Variants in BCL2 observed in about 807,000 individuals in gnomAD.
BCL2 encodes the protein apoptosis regulator Bcl-2.
A neutral mutation model predicts 14.2 loss-of-function variants in BCL2; 1 was observed. The observed-to-expected ratio is 0.07, with a 90% CI of 0.02 to 0.33. The LOEUF (loss-of-function observed/expected upper bound fraction) is 0.33, where lower values mean the gene tolerates loss of function less well. Among genes scored for constraint, BCL2 ranks in the 10% least tolerant of loss-of-function variants. The pLI is 0.99. For synonymous variants in BCL2, 151 were observed against 137.2 expected, an observed-to-expected ratio of 1.10 and a Z score of -0.70; for missense variants, 247 against 305.9, an observed-to-expected ratio of 0.81 and a Z score of 1.44.
At chr18:63,224,794 G>A (rs530454544) in intron 2 of BCL2, among the ~76,000 whole-genome samples, 1 of 152,264 alleles carries the variant, frequency 6.6e-6, no homozygotes, top group African/African-American at 2.4e-5. Flanking sequence ...ATCCAGACAG[G>A]GCCAGCAGAC....
intron 2 of BCL2, among the ~76,000 whole-genome samples, chr18:63,260,576 A>C (rs1263704898): frequency 6.6e-6 from 1 of 152,254 alleles, no homozygotes; most frequent in Non-Finnish European, 1.5e-5. Context: ...AGGCCAGAAC[A>C]GTGCCTTAAT....
chr18:63,182,329 G>A (rs886518357), intron 2 of BCL2, among the ~76,000 whole-genome samples: 7 of 152,198 alleles, frequency 4.6e-5, no homozygotes, highest in African/African-American at 7.2e-5. Flanking sequence ...GCTGAAGAGG[G>A]TCTGGCCACC....
chr18:63,204,451 T>A (rs1234542391), intron 2 of BCL2, among the ~76,000 whole-genome samples: 1 of 152,176 alleles, frequency 6.6e-6, no homozygotes, highest in Non-Finnish European at 1.5e-5. Context: ...TGGGGCTGGT[T>A]TACTCAAGGC....
chr18:63,213,199 A>G (rs1910096459), intron 2 of BCL2, among the ~76,000 whole-genome samples: 1 of 152,218 alleles, frequency 6.6e-6, no homozygotes, highest in Admixed American at 6.5e-5. Flanking sequence ...TGTAAAAACA[A>G]TAAAACATGC....
intron 2 of BCL2, among the ~76,000 whole-genome samples, chr18:63,185,496 G>C (rs541677933): frequency 6.6e-6 from 1 of 152,192 alleles, no homozygotes; most frequent in African/African-American, 2.4e-5. Flanking sequence ...TTCCTTCAGG[G>C]CTAGCTGCTT....
chr18:63,264,814 C>A (rs534824566), intron 2 of BCL2, among the ~76,000 whole-genome samples: 66 of 10,364 alleles, frequency 6.4e-3, no homozygotes, highest in Admixed American at 0.01. Flanking sequence ...CAATATGACA[C>A]CCCAAACCTC....
chr18:63,240,997 C>G (rs1382097146), intron 2 of BCL2, among the ~76,000 whole-genome samples: 2 of 152,160 alleles, frequency 1.3e-5, no homozygotes, highest in Admixed American at 6.5e-5. Context: ...AGTGAAAAAC[C>G]AGATAGCAAA....
At chr18:63,163,856 A>C (rs1914980474) in intron 2 of BCL2, among the ~76,000 whole-genome samples, 1 of 152,230 alleles carries the variant, frequency 6.6e-6, no homozygotes, top group Non-Finnish European at 1.5e-5. Flanking sequence ...GCTAGACTCA[A>C]ACTCTGGCAA....
At chr18:63,174,103 T>C (rs1352295386) in intron 2 of BCL2, among the ~76,000 whole-genome samples, 1 of 152,242 alleles carries the variant, frequency 6.6e-6, no homozygotes, top group African/African-American at 2.4e-5. Context: ...TAATACTATA[T>C]GTATATATGA....
intron 2 of BCL2, among the ~76,000 whole-genome samples, chr18:63,228,321 A>G (rs1218310465): frequency 1.3e-5 from 2 of 152,214 alleles, no homozygotes; most frequent in African/African-American, 4.8e-5. Flanking sequence ...TTCAGTTTAT[A>G]TAAGCAATAT....
At chr18:63,232,540 C>G (rs967215944) in intron 2 of BCL2, among the ~76,000 whole-genome samples, 1 of 152,146 alleles carries the variant, frequency 6.6e-6, no homozygotes, top group Non-Finnish European at 1.5e-5. Context: ...AAAACCAACA[C>G]TAAACACATA....
chr18:63,201,011 C>T (rs1219809449), intron 2 of BCL2, among the ~76,000 whole-genome samples: 2 of 152,296 alleles, frequency 1.3e-5, no homozygotes, highest in Admixed American at 1.3e-4. Flanking sequence ...ATGTTTGAAA[C>T]AAGCCAGGCA....
chr18:63,303,452 G>T (rs1913026897), intron 2 of BCL2, among the ~76,000 whole-genome samples: 1 of 152,150 alleles, frequency 6.6e-6, no homozygotes. Flanking sequence ...TTAAAATAAA[G>T]ATGACTAACT....
At chr18:63,131,568 T>C (rs576768732) in intron 2 of BCL2, among the ~76,000 whole-genome samples, 14 of 152,298 alleles carry the variant, frequency 9.2e-5, no homozygotes, top group African/African-American at 3.4e-4. Context: ...CAGACACGGC[T>C]GCAAATGTCA....
At position 63,149,057 on chromosome 18, in the gene BCL2, A is replaced by G. The variant is rs185288566; in HGVS notation, c.586-20298T>C. Among the ~76,000 whole-genome samples the G allele has an allele frequency of 6.4e-3, 973 of 152,352 alleles. 9 individuals are homozygous for G. The highest frequency in any genetic ancestry group is 0.01 in the Middle Eastern group (3 of 294). On this transcript the variant is annotated intron_variant, in intron 2 of 2. Transcript: ENST00000333681. This position sits in a 1 kb window ranked among gnomAD's most constrained non-coding sequence, Gnocchi z 4.2. ...CAGAGCCACGAAGTCATAAGTGTGC[A>G]TGGAGCAGCGACGTGCTTATGCTGA...
At chr18:63,236,849 C>T (rs1910849195) in intron 2 of BCL2, among the ~76,000 whole-genome samples, 5 of 152,166 alleles carry the variant, frequency 3.3e-5, no homozygotes, top group Admixed American at 3.3e-4. Context: ...GGGACAGGTC[C>T]CTTTTCTGCT....
At position 63,149,842 on chromosome 18, in the gene BCL2, G is replaced by GGCAT. The variant is rs1914605113; in HGVS notation, c.586-21087_586-21084dup. ...TACAGAAAGGGTTCTCCTGACATGA[G>GGCAT]GCATTTATTTATTTATTTATTTATT... On this transcript the variant is annotated intron_variant, in intron 2 of 2. Transcript: ENST00000333681. This position sits in a 1 kb window ranked among gnomAD's most constrained non-coding sequence, Gnocchi z 4.2. Among the ~76,000 whole-genome samples the GGCAT allele has an allele frequency of 2.7e-5, 4 of 149,566 alleles. No individual in the cohort carries two copies. The South Asian group carries it at 6.4e-4, about 24-fold the overall frequency.
intron 2 of BCL2, among the ~76,000 whole-genome samples, chr18:63,274,277 CTTTTTTTTTTTT>C (rs74169950): frequency 2.3e-5 from 2 of 86,752 alleles, no homozygotes; most frequent in African/African-American, 8.7e-5. Context: ...TAAAGATACT[CTTTTTTTTTTTT>C]TTTTTTTTTT....
At chr18:63,156,839 C>G (rs531411010) in intron 2 of BCL2, among the ~76,000 whole-genome samples, 241 of 152,326 alleles carry the variant, frequency 1.6e-3, no homozygotes, top group African/African-American at 5.2e-3. Context: ...AGCCAGGGAT[C>G]CAGGTAGAAA....
Sources: allele counts gnomAD v4.1 joint callset (sites outside exome capture counted in the v4.1 genomes callset), GRCh38; gene constraint gnomAD v4.1.1; non-coding constraint Gnocchi (gnomAD v3.1); transcripts MANE v1.5; gene names NCBI Gene and HGNC (gene_info 2026-07-23, HGNC 2026-07-21).